Variants in RTN4 observed in about 807,000 individuals in gnomAD.
RTN4 encodes reticulon 4.
RTN4 carries 32 observed loss-of-function variants against 90.4 expected under a neutral mutation model. The ratio of observed to expected loss-of-function variants is 0.35; its 90% CI spans 0.27 to 0.48. The LOEUF is 0.48. Ranked by LOEUF, RTN4 falls within the 20% of genes least tolerant of loss-of-function variation. The pLI, the probability that RTN4 is intolerant of heterozygous loss-of-function variation, is 0.99. For synonymous variants in RTN4, 629 were observed against 552.5 expected (o/e 1.14, Z -1.94); for missense variants, 1,706 against 1,430.2 (o/e 1.19, Z -3.11).
intron 3 of RTN4, among the ~76,000 whole-genome samples, chr2:55,019,427 A>T (rs953180211): frequency 1.3e-5 from 2 of 152,226 alleles, no homozygotes; most frequent in African/African-American, 4.8e-5. Flanking sequence ...AGGGAGAAAC[A>T]AAGACAATAT....
intron 5 of RTN4, among the ~76,000 whole-genome samples, chr2:54,977,584 G>A (rs1159317480): frequency 1.3e-5 from 2 of 152,134 alleles, no homozygotes; most frequent in South Asian, 2.1e-4. Flanking sequence ...ACAGGAACCT[G>A]CTAAGAAGGC....
upstream of RTN4, among the ~76,000 whole-genome samples, chr2:55,117,000 A>G (rs1234017748): frequency 6.6e-6 from 1 of 151,204 alleles, no homozygotes; most frequent in African/African-American, 2.4e-5. Flanking sequence ...CAGCCTCCCA[A>G]GTAGCTGGGG....
chr2:54,981,554 T>A (rs1032099760), intron 5 of RTN4, among the ~76,000 whole-genome samples: 2 of 152,164 alleles, frequency 1.3e-5, no homozygotes, highest in African/African-American at 4.8e-5. Flanking sequence ...AAATGACAAG[T>A]TCTATGAAAA....
At position 55,025,906 on chromosome 2, in the gene RTN4, A is replaced by G. The variant is rs776548821; in HGVS notation, c.2193T>C (p.His731=). 5.0e-6 allele frequency: 8 copies of G among 1,613,658 alleles called. No individual in the cohort carries two copies. In the Admixed American group the frequency reaches 1.0e-4, roughly 20 times the overall value. The change falls in exon 3 of 9, where the codon CAT becomes CAC. Residue 731 remains histidine, a synonymous_variant. Coordinates refer to ENST00000337526, the MANE Select transcript of RTN4 (RefSeq NM_020532.5). ...MAKVEQPVPD[H]SELVEDSSPD... is the part of the protein sequence containing the mutation. ...GTGAGGAATCTTCAACTAGCTCAGAATGATCAGGCACTGGCTGTTCAACTT... is the reference window on the plus strand; with the variant it reads ...GTGAGGAATCTTCAACTAGCTCAGAGTGATCAGGCACTGGCTGTTCAACTT...
the RTN4 span, among the ~76,000 whole-genome samples, chr2:55,120,231 A>G: frequency 6.6e-6 from 1 of 152,198 alleles, no homozygotes; most frequent in African/African-American, 2.4e-5. Context: ...GAAGGAAGCA[A>G]AGGTTCTTAG....
At chr2:54,991,752 T>C (rs1679029161) in intron 3 of RTN4, among the ~76,000 whole-genome samples, 1 of 152,224 alleles carries the variant, frequency 6.6e-6, no homozygotes, top group South Asian at 2.1e-4. Context: ...AGCTTAAATA[T>C]TTTTATTCAT....
chr2:55,018,178 A>G (rs917192048), intron 3 of RTN4, among the ~76,000 whole-genome samples: 1 of 152,222 alleles, frequency 6.6e-6, no homozygotes, highest in Non-Finnish European at 1.5e-5. Context: ...ATTATGGTGA[A>G]GACCTAAATG....
At chr2:55,130,915 T>G in the RTN4 span, among the ~76,000 whole-genome samples, 1 of 152,100 alleles carries the variant, frequency 6.6e-6, no homozygotes, top group African/African-American at 2.4e-5. Context: ...AAGAAGGTAT[T>G]AGGAAGGTAA....
Position 55,025,283 on chromosome 2 carries a change from G to A in RTN4, c.2816C>T (p.Ser939Phe). 1 of 1,613,890 alleles carries A rather than the reference G, an allele frequency of 6.2e-7. No individual in the cohort carries two copies. The highest frequency in any genetic ancestry group is 8.5e-7 in the Non-Finnish European group (1 of 1,179,870). ...EEKISFSDDFSKNGSATSKVL... is the reference protein window; with the variant it reads ...EEKISFSDDFFKNGSATSKVL... ...CTTTGATGTAGCAGACCCATTTTTA[G>A]AAAAGTCATCTGAGAAACTGATTTT... The change falls in exon 3 of 9, where the codon TCT becomes TTT. Residue 939 changes from serine (S) to phenylalanine (F), a missense_variant. By Grantham distance (155) the Ser-to-Phe change is radical. Transcript: ENST00000337526.
intron 1 of RTN4, among the ~76,000 whole-genome samples, chr2:55,087,660 C>T (rs1668867942): frequency 6.6e-6 from 1 of 151,976 alleles, no homozygotes; most frequent in Non-Finnish European, 1.5e-5. Flanking sequence ...TGTTCTTATT[C>T]ATGTGTCTTT....
chr2:55,108,930 ACT>A (rs1667990204), intron 1 of RTN4, among the ~76,000 whole-genome samples: 2 of 152,058 alleles, frequency 1.3e-5, no homozygotes, highest in Non-Finnish European at 2.9e-5. Flanking sequence ...CCCTAAGGAA[ACT>A]CTGTGCAAAG....
chr2:55,096,776 C>G (rs1667731655), intron 1 of RTN4, among the ~76,000 whole-genome samples: 1 of 151,208 alleles, frequency 6.6e-6, no homozygotes. Context: ...TCTGCTCATT[C>G]TGTCATGCTG....
chr2:55,003,783 CA>C (rs1680011976), intron 3 of RTN4, among the ~76,000 whole-genome samples: 1 of 151,970 alleles, frequency 6.6e-6, no homozygotes, highest in South Asian at 2.1e-4. Context: ...AACAATATAA[CA>C]ACTACCTACA....
At chr2:55,136,772 C>G in the RTN4 span, among the ~76,000 whole-genome samples, 1 of 152,222 alleles carries the variant, frequency 6.6e-6, no homozygotes, top group Non-Finnish European at 1.5e-5. Context: ...AAATCTGACT[C>G]GCATTATTTC....
chr2:54,972,498 T>TTATG lies in RTN4; in HGVS notation c.*654_*657dup, dbSNP rs1347610623. On this transcript the variant is annotated 3_prime_UTR_variant, in exon 9 of 9. Transcript: ENST00000337526. ...TCCTAGAAATATTTCTTCTTCTAGC[T>TTATG]TATGTGCTTTGGAACTACACATGTA... is the stretch of plus-strand genomic sequence containing the variant. 4 of 152,612 alleles carry TTATG rather than the reference T, an allele frequency of 2.6e-5. No individual in the cohort carries two copies. The highest frequency in any genetic ancestry group is 4.8e-5 in the African/African-American group (2 of 41,418). The allele number at this position is 152,612 out of a possible 1,614,324, so 9.5% of individuals were successfully genotyped here.
intron 3 of RTN4, among the ~76,000 whole-genome samples, chr2:54,989,940 T>TA (rs921970660): frequency 6.6e-6 from 1 of 152,138 alleles, no homozygotes; most frequent in Non-Finnish European, 1.5e-5. Flanking sequence ...GGAGTGATGA[T>TA]AAAGACAGCC....
intron 3 of RTN4, among the ~76,000 whole-genome samples, chr2:55,013,757 TC>T (rs1680826308): frequency 6.6e-6 from 1 of 152,184 alleles, no homozygotes; most frequent in Admixed American, 6.5e-5. Context: ...TTCTTCCTTT[TC>T]CATTTCTTTC....
At chr2:55,018,497 G>C (rs1321133261) in intron 3 of RTN4, among the ~76,000 whole-genome samples, 1 of 151,794 alleles carries the variant, frequency 6.6e-6, no homozygotes, top group East Asian at 1.9e-4. Context: ...TTGCAGAGTA[G>C]GGATTTGCAA....
At chr2:54,979,835 C>T (rs995059778) in intron 5 of RTN4, among the ~76,000 whole-genome samples, 1 of 152,166 alleles carries the variant, frequency 6.6e-6, no homozygotes, top group African/African-American at 2.4e-5. Flanking sequence ...TATTTGCAGT[C>T]CTAAATGAAT....
Sources: gnomAD v4.1 joint callset for allele counts (sites outside exome capture counted in the v4.1 genomes callset) on GRCh38, gnomAD v4.1.1 for gene constraint, MANE v1.5 for transcripts, NCBI Gene and HGNC (gene_info 2026-07-23, HGNC 2026-07-21) for gene names.